The following ATP2B2 variants were observed in gnomAD, a reference collection of about 807,000 sequenced individuals.
ATP2B2 encodes ATPase plasma membrane Ca2+ transporting 2.
ATP2B2 carries 15 observed loss-of-function variants against 120.0 expected under a neutral mutation model. The ratio of observed to expected loss-of-function variants is 0.12; its 90% CI spans 0.08 to 0.19. The LOEUF (loss-of-function observed/expected upper bound fraction) is 0.19, where lower values mean the gene tolerates loss of function less well. Among genes scored for constraint, ATP2B2 ranks in the 10% least tolerant of loss-of-function variants. The pLI is 1.00. For synonymous variants in ATP2B2, 694 were observed against 700.3 expected (o/e 0.99, Z 0.14); for missense variants, 1,045 against 1,719.8 (o/e 0.61, Z 6.94).
At chr3:10,374,940 G>C (rs1271085963) in intron 11 of ATP2B2, among the ~76,000 whole-genome samples, 1 of 152,240 alleles carries the variant, frequency 6.6e-6, no homozygotes, top group Non-Finnish European at 1.5e-5. Flanking sequence ...TCTGTGATGA[G>C]TTTTACAAGC....
At chr3:10,629,025 G>A (rs765169880) in intron 1 of ATP2B2, among the ~76,000 whole-genome samples, 119 of 152,288 alleles carry the variant, frequency 7.8e-4, no homozygotes, top group African/African-American at 2.5e-3. Flanking sequence ...CTCACGCCTG[G>A]ATGAAGCTGC....
intron 2 of ATP2B2, among the ~76,000 whole-genome samples, chr3:10,582,112 C>T (rs910037856): frequency 1.3e-5 from 2 of 152,190 alleles, no homozygotes; most frequent in African/African-American, 4.8e-5. Flanking sequence ...CTTGCAAGAA[C>T]ATTTAAAAAT....
At chr3:10,548,682 T>A (rs963419546) in intron 2 of ATP2B2, among the ~76,000 whole-genome samples, 3 of 152,120 alleles carry the variant, frequency 2.0e-5, no homozygotes, top group African/African-American at 7.2e-5. Flanking sequence ...ACTTCCCTAC[T>A]CCCCTACCAG....
chr3:10,524,973 G>A (rs2067061786), intron 3 of ATP2B2, among the ~76,000 whole-genome samples: 1 of 152,226 alleles, frequency 6.6e-6, no homozygotes, highest in Non-Finnish European at 1.5e-5. Flanking sequence ...CTGGGCATGG[G>A]AGGCTCAGAG....
chr3:10,621,638 G>A (rs946070758), intron 1 of ATP2B2, among the ~76,000 whole-genome samples: 7 of 152,240 alleles, frequency 4.6e-5, no homozygotes, highest in Non-Finnish European at 1.5e-5. Flanking sequence ...GAGACGGGGA[G>A]TTAGCTCCCT....
At chr3:10,444,358 T>G (rs1459309684) in intron 2 of ATP2B2, among the ~76,000 whole-genome samples, 1 of 152,198 alleles carries the variant, frequency 6.6e-6, no homozygotes, top group Non-Finnish European at 1.5e-5. Context: ...GGAAGACCCC[T>G]GCCCCTGCCT....
intron 3 of ATP2B2, among the ~76,000 whole-genome samples, chr3:10,518,691 T>G (rs1468817348): frequency 1.3e-5 from 2 of 152,210 alleles, no homozygotes; most frequent in Non-Finnish European, 2.9e-5. Flanking sequence ...CCTCGCGTAT[T>G]TATAGCCACC....
chr3:10,656,542 G>A (rs529292260), intron 1 of ATP2B2, among the ~76,000 whole-genome samples: 94 of 152,242 alleles, frequency 6.2e-4, no homozygotes, highest in African/African-American at 2.3e-3. Context: ...CCCAACCTCT[G>A]GGCCTTCCGC....
intron 1 of ATP2B2, among the ~76,000 whole-genome samples, chr3:10,641,669 C>T (rs145720221): frequency 7.9e-4 from 120 of 152,272 alleles, no homozygotes; most frequent in Non-Finnish European, 1.0e-3. Context: ...TCAGCTCTAA[C>T]TTGGATGCAG....
rs181799993 is a variant in ATP2B2 at position 10,403,400 on chromosome 3, C to T, written c.398-1052G>A. 3.0e-3 allele frequency among the ~76,000 whole-genome samples: 455 copies of T among 152,334 alleles called. 4 individuals are homozygous for T. The highest frequency in any genetic ancestry group is 4.6e-3 in the Non-Finnish European group (313 of 68,030). ...AAACTCTCGAGGTCTGCCAGGCCCA[C>T]GGGGTGAACAGAAAAGGAAGAACCT... On this transcript the variant is annotated intron_variant, in intron 3 of 22. Transcript: ENST00000360273.
chr3:10,645,653 C>A (rs1283220853), intron 1 of ATP2B2, among the ~76,000 whole-genome samples: 3 of 152,204 alleles, frequency 2.0e-5, no homozygotes, highest in Non-Finnish European at 4.4e-5. Flanking sequence ...AAAGTGGAGG[C>A]AGGCCTGAGG....
chr3:10,694,994 C>T (rs147197911), intron 1 of ATP2B2, among the ~76,000 whole-genome samples: 189 of 152,126 alleles, frequency 1.2e-3, no homozygotes, highest in African/African-American at 4.4e-3. Flanking sequence ...AAGGGGAAGT[C>T]TATGTCCCCA....
chr3:10,376,599 T>C (rs9839697), intron 10 of ATP2B2, among the ~76,000 whole-genome samples: 53,608 of 152,078 alleles, frequency 0.35, 9,920 homozygotes, highest in East Asian at 0.61. Context: ...CAGGTGCTAC[T>C]GCAGGTGCTG....
Position 10,336,178 on chromosome 3 carries a change from C to A in ATP2B2, c.3420+1998G>T, listed in dbSNP as rs746796428. ...TGGTCGGAGAGGAAAGAGCATTGGA[C>A]AACGACACGCGACTAGGGCTAGAGA... On this transcript the variant is annotated intron_variant, in intron 22 of 22. Coordinates refer to ENST00000360273, the MANE Select transcript of ATP2B2 (RefSeq NM_001001331.4). The A allele has an allele frequency of 5.0e-5, 77 of 1,550,684 alleles. 1 individual carries two copies. The Middle Eastern group carries it at 8.3e-4, about 17-fold the overall frequency.
Position 10,327,786 on chromosome 3 carries a change from C to G in ATP2B2, c.*1028G>C, listed in dbSNP as rs2059884069. On this transcript the variant is annotated 3_prime_UTR_variant, in exon 23 of 23. Coordinates refer to ENST00000360273, the MANE Select transcript of ATP2B2 (RefSeq NM_001001331.4). The stretch of plus-strand genomic sequence containing the variant: ...TTCGTCTACGGAGCATGTTGTTAAA[C>G]CCCTCAGGATGGCAACTCGGTAGCA... 1 of 152,666 alleles carries G rather than the reference C, an allele frequency of 6.6e-6. No individual in the cohort carries two copies. Among genetic ancestry groups the G allele is most frequent in the Non-Finnish European group, 1.5e-5 (1 of 68,058 alleles). The allele number at this position is 152,666 out of a possible 1,614,324, so 9.5% of individuals were successfully genotyped here.
chr3:10,359,970 C>T lies in ATP2B2; in HGVS notation c.1813G>A (p.Val605Met), dbSNP rs199991046. The change falls in exon 13 of 23, where the codon GTG (valine) becomes ATG (methionine). Residue 605 changes from valine to methionine, a missense_variant. By Grantham distance (21) the Val-to-Met change is conservative (BLOSUM62 1). This residue lies in a region of ATP2B2 where 343 missense variants were observed against 536.8 expected (regional missense o/e 0.64). Transcript: ENST00000360273. ...KLYKVYTFNS[V>M]RKSMSTVIKL... The stretch of plus-strand genomic sequence containing the variant: ...ATGACAGTGCTCATGGACTTGCGCA[C>T]GGAGTTGAAGGTGTACACTTTGTAC... The T allele has an allele frequency of 6.3e-5, 102 of 1,614,240 alleles. No individual in the cohort carries two copies. Among genetic ancestry groups the T allele is most frequent in the Non-Finnish European group, 7.7e-5 (91 of 1,180,042 alleles).
chr3:10,682,287 A>G (rs2071402273), intron 1 of ATP2B2, among the ~76,000 whole-genome samples: 1 of 152,154 alleles, frequency 6.6e-6, no homozygotes, highest in Non-Finnish European at 1.5e-5. Context: ...ATTTAAATGA[A>G]TGTGTTACCA....
rs908138106 is a variant in ATP2B2 at position 10,352,497 on chromosome 3, G to A, written c.2137-1920C>T. Among the ~76,000 whole-genome samples the A allele has an allele frequency of 5.3e-5, 8 of 152,326 alleles. No individual in the cohort carries two copies. The East Asian group carries it at 1.3e-3, about 26-fold the overall frequency. The stretch of plus-strand genomic sequence containing the variant: ...AGCTACTGGAGTTGTCTAAGAGACC[G>A]GCTCTGTGGTGGCAGGTAGTGATCT... On this transcript the variant is annotated intron_variant, in intron 14 of 22. Coordinates refer to ENST00000360273, the MANE Select transcript of ATP2B2 (RefSeq NM_001001331.4).
At chr3:10,489,477 C>T (rs888773764) in intron 1 of ATP2B2, among the ~76,000 whole-genome samples, 39 of 152,340 alleles carry the variant, frequency 2.6e-4, no homozygotes, top group African/African-American at 9.4e-4. Flanking sequence ...CAGTGGTTCC[C>T]AAATGTGTCT....
Sources: gnomAD v4.1 joint callset for allele counts (sites outside exome capture counted in the v4.1 genomes callset) on GRCh38, gnomAD v4.1.1 for gene constraint, gnomAD v4.1.1 regional missense constraint, MANE v1.5 for transcripts, NCBI Gene and HGNC (gene_info 2026-07-23, HGNC 2026-07-21) for gene names.